ARHGAP10: variants seen among roughly 807,000 people sequenced by gnomAD.
ARHGAP10 encodes rho GTPase-activating protein 10.
In ARHGAP10, 87 loss-of-function variants were observed where a neutral mutation model predicts 108.6. The observed-to-expected ratio is 0.80, with a 90% CI of 0.67 to 0.96. The LOEUF is 0.96. ARHGAP10 is among the 40% of genes least tolerant of loss of function. The probability of loss-of-function intolerance (pLI) is 0.00; values close to 1 mark genes in which losing one functional copy is unlikely to be tolerated. For missense variants in ARHGAP10, 939 were observed against 954.5 expected (o/e 0.98, Z 0.21); for synonymous variants, 347 against 341.1 (o/e 1.02, Z -0.19).
chr4:147,998,291 T>C (rs752164408), intron 18 of ARHGAP10, among the ~76,000 whole-genome samples: 3 of 152,170 alleles, frequency 2.0e-5, no homozygotes, highest in Non-Finnish European at 2.9e-5. Context: ...AGATATACAG[T>C]GCATATAATT....
intron 1 of ARHGAP10, among the ~76,000 whole-genome samples, chr4:147,763,918 C>G (rs1193778515): frequency 6.6e-6 from 1 of 152,040 alleles, no homozygotes; most frequent in East Asian, 1.9e-4. Flanking sequence ...CCATGCCTGG[C>G]TAATTTCTGT....
At chr4:147,942,390 G>A (rs2126965004) in intron 14 of ARHGAP10, among the ~76,000 whole-genome samples, 1 of 152,244 alleles carries the variant, frequency 6.6e-6, no homozygotes, top group Non-Finnish European at 1.5e-5. Context: ...TTTACACAAA[G>A]TACTTTGTAT....
chr4:147,973,049 C>T (rs1375541657), intron 18 of ARHGAP10, among the ~76,000 whole-genome samples: 1 of 152,110 alleles, frequency 6.6e-6, no homozygotes, highest in African/African-American at 2.4e-5. Flanking sequence ...GCCACCGTGA[C>T]TGGCCTAATG....
intron 19 of ARHGAP10, among the ~76,000 whole-genome samples, chr4:148,028,911 A>G (rs1728001193): frequency 1.3e-5 from 2 of 152,188 alleles, no homozygotes; most frequent in Admixed American, 1.3e-4. Flanking sequence ...CTCATAGGTA[A>G]ATCTATCATT....
chr4:147,835,900 C>T (rs960147401), intron 3 of ARHGAP10, among the ~76,000 whole-genome samples: 2 of 152,108 alleles, frequency 1.3e-5, no homozygotes, highest in African/African-American at 2.4e-5. Flanking sequence ...AATATCGAAG[C>T]GAGGTTCTTA....
At chr4:147,947,996 G>A (rs1416908599) in intron 15 of ARHGAP10, among the ~76,000 whole-genome samples, 1 of 144,948 alleles carries the variant, frequency 6.9e-6, no homozygotes, top group East Asian at 2.1e-4. Flanking sequence ...GCTGGAGTGC[G>A]ATGGCACAAT....
intron 1 of ARHGAP10, among the ~76,000 whole-genome samples, chr4:147,741,203 A>G (rs929086478): frequency 6.6e-6 from 1 of 152,232 alleles, no homozygotes; most frequent in Non-Finnish European, 1.5e-5. Context: ...TATTTAGGGA[A>G]TATTCATGAT....
intron 15 of ARHGAP10, among the ~76,000 whole-genome samples, chr4:147,952,303 A>T (rs1474982792): frequency 1.3e-5 from 2 of 152,172 alleles, no homozygotes; most frequent in Non-Finnish European, 2.9e-5. Flanking sequence ...ATCATGTGGT[A>T]ATTATGCTTA....
intron 3 of ARHGAP10, among the ~76,000 whole-genome samples, chr4:147,830,512 C>CTTTTTTTTTT (rs56946602): frequency 1.3e-4 from 13 of 102,274 alleles, no homozygotes; most frequent in African/African-American, 2.8e-4. Flanking sequence ...ACCACAATTC[C>CTTTTTTTTTT]TTTTTTTTTT....
intron 7 of ARHGAP10, among the ~76,000 whole-genome samples, chr4:147,867,737 G>A (rs893518653): frequency 1.3e-5 from 2 of 151,838 alleles, no homozygotes; most frequent in Admixed American, 6.6e-5. Flanking sequence ...GGTGGAGTGC[G>A]CCTGTAATCC....
chr4:147,986,808 C>T (rs1184698672), intron 18 of ARHGAP10, among the ~76,000 whole-genome samples: 3 of 152,170 alleles, frequency 2.0e-5, no homozygotes, highest in Non-Finnish European at 2.9e-5. Flanking sequence ...GCTTTACAAA[C>T]GGAGGAAACT....
At chr4:147,737,913 C>T (rs1336163230) in intron 1 of ARHGAP10, among the ~76,000 whole-genome samples, 1 of 152,132 alleles carries the variant, frequency 6.6e-6, no homozygotes, top group African/African-American at 2.4e-5. Flanking sequence ...TTTTACTAGC[C>T]AGTCAGCAAT....
intron 1 of ARHGAP10, among the ~76,000 whole-genome samples, chr4:147,814,107 G>A (rs1732137423): frequency 6.6e-6 from 1 of 152,014 alleles, no homozygotes; most frequent in African/African-American, 2.4e-5. Context: ...TCAGATCTAG[G>A]GCATGGACTC....
intron 16 of ARHGAP10, among the ~76,000 whole-genome samples, chr4:147,964,055 G>T (rs1454670008): frequency 1.3e-5 from 2 of 152,170 alleles, no homozygotes; most frequent in African/African-American, 4.8e-5. Flanking sequence ...GACATCTGGG[G>T]CCTCACTGAC....
chr4:147,969,542 G>A (rs1739328826), intron 18 of ARHGAP10, among the ~76,000 whole-genome samples: 1 of 152,072 alleles, frequency 6.6e-6, no homozygotes, highest in African/African-American at 2.4e-5. Flanking sequence ...TCCTAATTAG[G>A]AAACCTTTAT....
intron 9 of ARHGAP10, among the ~76,000 whole-genome samples, chr4:147,880,341 A>G (rs58740360): frequency 0.027 from 4,067 of 152,314 alleles, 187 homozygotes; most frequent in African/African-American, 0.093. Context: ...AAAAATATTT[A>G]AAGCAGCTTT....
Position 147,857,543 on chromosome 4 carries a change from T to TA in ARHGAP10, c.385-10_385-9insA. 1 of 1,474,164 alleles carries TA rather than the reference T, an allele frequency of 6.8e-7. No homozygotes were observed. Among genetic ancestry groups the TA allele is most frequent in the East Asian group, 2.5e-5 (1 of 39,494 alleles). 91.3% of individuals were successfully genotyped at this position (1,474,164 alleles called of 1,614,324 possible). On this transcript the variant is annotated splice_polypyrimidine_tract_variant and intron_variant, in intron 4 of 22. Transcript: ENST00000336498. The stretch of plus-strand genomic sequence containing the variant: ...TTTCTGTTTAATCATAGTTTTTTTT[T>TA]TATTTGTAGGAAGAAAAAAAGAAGT...
intron 19 of ARHGAP10, among the ~76,000 whole-genome samples, chr4:148,024,949 G>C (rs1178479722): frequency 6.6e-6 from 1 of 152,194 alleles, no homozygotes; most frequent in Non-Finnish European, 1.5e-5. Context: ...GAGCAAAATG[G>C]AATTGACTGT....
chr4:147,980,700 G>A (rs989393778), intron 18 of ARHGAP10, among the ~76,000 whole-genome samples: 8 of 151,958 alleles, frequency 5.3e-5, no homozygotes, highest in Non-Finnish European at 1.5e-5. Context: ...TTAAATTACT[G>A]ATTCAGTTTC....
Sources: gnomAD v4.1 joint callset for allele counts (sites outside exome capture counted in the v4.1 genomes callset) on GRCh38, gnomAD v4.1.1 for gene constraint, MANE v1.5 for transcripts, NCBI Gene and HGNC (gene_info 2026-07-23, HGNC 2026-07-21) for gene names.